KIAA1217: variants seen among roughly 807,000 people sequenced by gnomAD.
The protein encoded by KIAA1217 is sickle tail protein homolog.
In KIAA1217, 88 loss-of-function variants were observed where a neutral mutation model predicts 163.9. That is an observed-to-expected ratio of 0.54 (90% CI 0.45 to 0.64). The LOEUF (loss-of-function observed/expected upper bound fraction) is 0.64, where lower values mean the gene tolerates loss of function less well. KIAA1217 is among the 30% of genes least tolerant of loss of function. KIAA1217 has a pLI of 0.00. For missense variants in KIAA1217, 2,372 were observed against 2,475.0 expected, an observed-to-expected ratio of 0.96 and a Z score of 0.88; for synonymous variants, 903 against 923.1, an observed-to-expected ratio of 0.98 and a Z score of 0.39.
chr10:24,309,570 A>G (rs896583528), intron 2 of KIAA1217, among the ~76,000 whole-genome samples: 39 of 152,104 alleles, frequency 2.6e-4, no homozygotes, highest in Admixed American at 2.5e-3. Context: ...CCCAGAACCC[A>G]CCGAACACAG....
intron 2 of KIAA1217, among the ~76,000 whole-genome samples, chr10:24,121,912 G>A (rs748225695): frequency 6.6e-6 from 1 of 152,108 alleles, no homozygotes; most frequent in South Asian, 2.1e-4. Context: ...TCACTAACGG[G>A]TATGGGGGTG....
At chr10:24,527,888 C>G (rs1177176068) in intron 13 of KIAA1217, 48 bp from the exon 14 acceptor site, 2 of 1,477,792 alleles carry the variant, frequency 1.4e-6, no homozygotes, top group South Asian at 2.3e-5. Flanking sequence ...GTCCGTTGTT[C>G]TCCTCTATGT....
chr10:23,998,123 A>G (rs907073405), intron 1 of KIAA1217, among the ~76,000 whole-genome samples: 2 of 152,048 alleles, frequency 1.3e-5, no homozygotes, highest in African/African-American at 4.8e-5. Context: ...AAACATTAGT[A>G]AATTCACTTA....
chr10:24,370,976 T>G (rs141234940), intron 2 of KIAA1217, among the ~76,000 whole-genome samples: 23 of 152,354 alleles, frequency 1.5e-4, no homozygotes, highest in Admixed American at 1.5e-3. Context: ...AAGTCTGAGT[T>G]AATGAGATCC....
intron 2 of KIAA1217, among the ~76,000 whole-genome samples, chr10:24,271,330 GA>G (rs936272970): frequency 1.3e-5 from 2 of 151,978 alleles, no homozygotes; most frequent in African/African-American, 2.4e-5. Flanking sequence ...CATATATATT[GA>G]AAAAACCTCA....
chr10:24,535,756 G>A (rs1032044045), intron 16 of KIAA1217, among the ~76,000 whole-genome samples: 4 of 151,812 alleles, frequency 2.6e-5, no homozygotes, highest in South Asian at 2.1e-4. Context: ...CAGCGTGGGC[G>A]ACAGGGAGAG....
chr10:24,177,045 A>C (rs2065926636), intron 2 of KIAA1217, among the ~76,000 whole-genome samples: 1 of 151,404 alleles, frequency 6.6e-6, no homozygotes, highest in South Asian at 2.1e-4. Flanking sequence ...GCCTGTGCCC[A>C]CCATGCACAG....
At chr10:23,762,653 C>T (rs1026038929) in intron 1 of KIAA1217, among the ~76,000 whole-genome samples, 2 of 152,120 alleles carry the variant, frequency 1.3e-5, no homozygotes, top group African/African-American at 2.4e-5. Flanking sequence ...AAACCCACAG[C>T]CAATATCATA....
At chr10:23,977,760 A>G (rs1173076273) in intron 1 of KIAA1217, among the ~76,000 whole-genome samples, 4 of 152,174 alleles carry the variant, frequency 2.6e-5, no homozygotes, top group East Asian at 1.9e-4. Context: ...GCTGCTCCCA[A>G]TGATGTTTCC....
In KIAA1217 at chr10:24,232,705, T is replaced by G. The variant is rs572825418; in HGVS notation, c.354+12796T>G. Among the ~76,000 whole-genome samples the G allele has an allele frequency of 7.2e-5, 11 of 152,304 alleles. No individual in the cohort carries two copies. The South Asian group carries it at 1.9e-3, about 26-fold the overall frequency. On this transcript the variant is annotated intron_variant, in intron 2 of 20. Coordinates refer to ENST00000376454, the MANE Select transcript of KIAA1217 (RefSeq NM_019590.5). ...CCAAATTGTCCTTCCTGTCTTTTCT[T>G]GTCAAACTTGAGCCTTTGCCATTTA...
intron 2 of KIAA1217, among the ~76,000 whole-genome samples, chr10:24,365,616 G>C (rs532644342): frequency 2.6e-5 from 4 of 152,134 alleles, no homozygotes; most frequent in African/African-American, 9.7e-5. Context: ...ACCTAGAAAA[G>C]GGCTTTTATG....
intron 3 of KIAA1217, among the ~76,000 whole-genome samples, chr10:24,402,213 A>G (rs2131081580): frequency 6.6e-6 from 1 of 152,314 alleles, no homozygotes; most frequent in South Asian, 2.1e-4. Context: ...TTATATAAAA[A>G]GGCAAACGAG....
At chr10:24,341,716 A>G (rs370750264) in intron 2 of KIAA1217, among the ~76,000 whole-genome samples, 11 of 152,338 alleles carry the variant, frequency 7.2e-5, no homozygotes, top group African/African-American at 2.6e-4. Context: ...ACTGGTTTTC[A>G]GGAGATCTAG....
chr10:24,464,653 G>A (rs1351666781), intron 5 of KIAA1217, among the ~76,000 whole-genome samples: 1 of 152,082 alleles, frequency 6.6e-6, no homozygotes, highest in African/African-American at 2.4e-5. Context: ...GCCCAGCTAA[G>A]TTTTTACTTT....
intron 3 of KIAA1217, among the ~76,000 whole-genome samples, chr10:24,417,878 TTAACA>T (rs1440457193): frequency 6.6e-6 from 1 of 150,574 alleles, no homozygotes; most frequent in African/African-American, 2.5e-5. Context: ...TTTTTGGTTA[TTAACA>T]TAACTTAAGT....
At chr10:24,117,679 C>A (rs140321383) in intron 2 of KIAA1217, among the ~76,000 whole-genome samples, 2,955 of 152,190 alleles carry the variant, frequency 0.019, 50 homozygotes, top group Non-Finnish European at 0.026. Flanking sequence ...TTCACTATTT[C>A]TGGTTTTGTT....
chr10:24,075,681 G>T (rs984785610), intron 2 of KIAA1217, among the ~76,000 whole-genome samples: 4 of 149,734 alleles, frequency 2.7e-5, no homozygotes, highest in Non-Finnish European at 5.9e-5. Flanking sequence ...TCAGCTCACT[G>T]CTACCTCTGC....
intron 1 of KIAA1217, among the ~76,000 whole-genome samples, chr10:24,215,259 C>G (rs1221539387): frequency 6.6e-6 from 1 of 152,084 alleles, no homozygotes; most frequent in Non-Finnish European, 1.5e-5. Context: ...AAGTGAGCTC[C>G]CAGGAGGAGT....
At chr10:23,819,910 A>G (rs182268628) in intron 1 of KIAA1217, among the ~76,000 whole-genome samples, 7 of 152,250 alleles carry the variant, frequency 4.6e-5, no homozygotes, top group African/African-American at 1.7e-4. Context: ...TCTCCGTGTA[A>G]AATAAAACTT....
Sources: allele counts gnomAD v4.1 joint callset (sites outside exome capture counted in the v4.1 genomes callset), GRCh38; gene constraint gnomAD v4.1.1; transcripts MANE v1.5; gene names NCBI Gene and HGNC (gene_info 2026-07-23, HGNC 2026-07-21).